The following NDE1 variants were observed in gnomAD, a reference collection of about 807,000 sequenced individuals.
NDE1 encodes the protein nuclear distribution protein nudE homolog 1.
Under a neutral mutation model 43.4 loss-of-function variants are expected in NDE1, and 28 were observed. The observed-to-expected ratio is 0.65, with a 90% confidence interval of 0.48 to 0.89. The LOEUF (loss-of-function observed/expected upper bound fraction) is 0.89. Among genes scored for constraint, NDE1 ranks in the 40% least tolerant of loss-of-function variants. NDE1 has a pLI of 0.00. For synonymous variants in NDE1, 184 were observed against 172.0 expected (o/e 1.07, Z -0.55); for missense variants, 441 against 434.1 (o/e 1.02, Z -0.14).
At chr16:15,699,530 C>T in intron 8 of NDE1, 1 of 1,183,270 alleles carries the variant, frequency 8.5e-7, no homozygotes, top group Non-Finnish European at 1.1e-6. Flanking sequence ...GGGTCTGAGA[C>T]TGGGCGTTTT....
chr16:15,705,984 CAAAAA>C (rs57451847), intron 8 of NDE1, among the ~76,000 whole-genome samples: 15 of 56,764 alleles, frequency 2.6e-4, no homozygotes, highest in South Asian at 2.5e-3. Context: ...GACTCCGTCT[CAAAAA>C]AAAAAAAAAA....
At chr16:15,720,178 TTCC>T in intron 8 of NDE1, 1 of 1,614,102 alleles carries the variant, frequency 6.2e-7, no homozygotes, top group Non-Finnish European at 8.5e-7. Flanking sequence ...GCTTGATGGC[TTCC>T]TCCCTCCCCT....
intron 8 of NDE1, among the ~76,000 whole-genome samples, chr16:15,716,526 GTGTGTGTA>G (rs2040156124): frequency 6.7e-6 from 1 of 148,478 alleles, no homozygotes. Context: ...TTTTTTTTGT[GTGTGTGTA>G]TGTGTGTGGA....
At chr16:15,673,347 G>A (rs1874239227) in intron 3 of NDE1, among the ~76,000 whole-genome samples, 1 of 151,940 alleles carries the variant, frequency 6.6e-6, no homozygotes, top group African/African-American at 2.4e-5. Context: ...GGGACCATAG[G>A]CACTTGCCAC....
intron 5 of NDE1, among the ~76,000 whole-genome samples, chr16:15,690,566 G>GT (rs2038701867): frequency 1.3e-5 from 2 of 151,482 alleles, no homozygotes; most frequent in Admixed American, 1.3e-4. Flanking sequence ...TGTTGGAATT[G>GT]TTTTTTCAAT....
At chr16:15,676,141 C>T (rs948232869) in intron 3 of NDE1, among the ~76,000 whole-genome samples, 2 of 151,126 alleles carry the variant, frequency 1.3e-5, no homozygotes, top group African/African-American at 4.9e-5. Context: ...CCTCTGTCTC[C>T]CTTCCTCTCT....
rs1391587565 is a variant in NDE1 at position 15,724,812 on chromosome 16, T to A, written c.*561T>A. On this transcript the variant is annotated 3_prime_UTR_variant, in exon 9 of 9. Transcript: ENST00000396354. ...CTTGAAGCAGCTCCTGCAAAAGGGATGCAAAGAGGTCCCAGGGACCTGCCC... is the reference window on the plus strand; with the variant it reads ...CTTGAAGCAGCTCCTGCAAAAGGGAAGCAAAGAGGTCCCAGGGACCTGCCC... 1 of 1,613,724 alleles carries A rather than the reference T, an allele frequency of 6.2e-7. No individual in the cohort carries two copies. The highest frequency in any genetic ancestry group is 8.5e-7 in the Non-Finnish European group (1 of 1,179,992).
chr16:15,700,119 TAG>T (rs1237785263), intron 8 of NDE1: 14 of 1,111,724 alleles, frequency 1.3e-5, no homozygotes, highest in African/African-American at 5.0e-5. Context: ...GTTTTTGAGA[TAG>T]AGTCTTGCTC....
chr16:15,645,941 A>C (rs1297526009), upstream of NDE1, among the ~76,000 whole-genome samples: 1 of 152,244 alleles, frequency 6.6e-6, no homozygotes, highest in African/African-American at 2.4e-5. Context: ...TAAGGAAGTT[A>C]AATTGAGTTA....
chr16:15,717,426 C>G, intron 8 of NDE1: 2 of 1,483,242 alleles, frequency 1.3e-6, no homozygotes, highest in South Asian at 1.1e-5. Flanking sequence ...CTCTTCCTGC[C>G]TTGTTTGGCC....
chr16:15,705,832 T>A (rs1194831776), intron 8 of NDE1, among the ~76,000 whole-genome samples: 3 of 151,402 alleles, frequency 2.0e-5, no homozygotes, highest in African/African-American at 7.3e-5. Context: ...ATACAAAAAA[T>A]TAGCCGGGCG....
chr16:15,698,611 C>G (rs991292585), intron 8 of NDE1, among the ~76,000 whole-genome samples: 1 of 152,124 alleles, frequency 6.6e-6, no homozygotes, highest in Non-Finnish European at 1.5e-5. Context: ...GTAATCCCAG[C>G]ACTTTGGGAG....
At chr16:15,679,105 A>C (rs1012139065) in intron 4 of NDE1, among the ~76,000 whole-genome samples, 46 of 152,164 alleles carry the variant, frequency 3.0e-4, no homozygotes, top group African/African-American at 1.0e-3. Flanking sequence ...AAAACAACAA[A>C]AAAACAAAAA....
At chr16:15,652,341 G>T (rs1186603145) in intron 1 of NDE1, among the ~76,000 whole-genome samples, 2 of 152,182 alleles carry the variant, frequency 1.3e-5, no homozygotes, top group Non-Finnish European at 2.9e-5. Context: ...ACTGCATGCA[G>T]CCCAAAGTGT....
intron 6 of NDE1, 55 bp from the exon 7 acceptor site, chr16:15,694,110 G>A (rs1024932585): frequency 6.2e-5 from 99 of 1,596,774 alleles, no homozygotes; most frequent in Admixed American, 1.4e-4. Flanking sequence ...CGATGTTAAC[G>A]CACAGACATG....
chr16:15,669,328 G>C (rs2037472800), intron 3 of NDE1, among the ~76,000 whole-genome samples: 1 of 151,194 alleles, frequency 6.6e-6, no homozygotes, highest in African/African-American at 2.4e-5. Context: ...TGAGTAGCTG[G>C]GATTACAGGC....
At chr16:15,717,120 G>C (rs901538484) in intron 8 of NDE1, 2 of 1,613,666 alleles carry the variant, frequency 1.2e-6, no homozygotes, top group African/African-American at 2.7e-5. Flanking sequence ...AACTGGGTTC[G>C]GAACTCCACA....
At chr16:15,648,796 G>T (rs936758722), upstream of NDE1, among the ~76,000 whole-genome samples, 1 of 151,742 alleles carries the variant, frequency 6.6e-6, no homozygotes, top group East Asian at 2.0e-4. Context: ...CAACAAGAGG[G>T]AAACTCTGTC....
At chr16:15,663,763 A>C (rs2151432753) in intron 1 of NDE1, among the ~76,000 whole-genome samples, 1 of 152,092 alleles carries the variant, frequency 6.6e-6, no homozygotes, top group Middle Eastern at 3.4e-3. Flanking sequence ...CTAGGCACAT[A>C]GTTTTATCAT....
Sources: gnomAD v4.1 joint callset for allele counts (sites outside exome capture counted in the v4.1 genomes callset) on GRCh38, gnomAD v4.1.1 for gene constraint, MANE v1.5 for transcripts, NCBI Gene and HGNC (gene_info 2026-07-23, HGNC 2026-07-21) for gene names.